DYSF: variants seen among roughly 807,000 people sequenced by gnomAD.
The protein encoded by DYSF is dystrophy-associated fer-1-like 1.
A neutral mutation model predicts 274.9 loss-of-function variants in DYSF; 212 were observed. That is an observed-to-expected ratio of 0.77 (90% confidence interval 0.69 to 0.86). The LOEUF is 0.86. Among genes scored for constraint, DYSF ranks in the 40% least tolerant of loss-of-function variants. The probability of loss-of-function intolerance (pLI) is 0.00; values close to 1 mark genes in which losing one functional copy is unlikely to be tolerated. For synonymous variants in DYSF, 1,091 were observed against 1,078.7 expected, an observed-to-expected ratio of 1.01 and a Z score of -0.22; for missense variants, 2,666 against 2,783.2, an observed-to-expected ratio of 0.96 and a Z score of 0.95.
At chr2:71,555,233 CT>C (rs1162816780) in intron 21 of DYSF, among the ~76,000 whole-genome samples, 1 of 152,178 alleles carries the variant, frequency 6.6e-6, no homozygotes, top group Non-Finnish European at 1.5e-5. Context: ...CCATCACTGG[CT>C]CACAGCAAGA....
intron 21 of DYSF, among the ~76,000 whole-genome samples, chr2:71,555,328 C>T (rs1357820649): frequency 6.6e-6 from 1 of 151,902 alleles, no homozygotes; most frequent in Admixed American, 6.5e-5. Context: ...TGTCCTTGCT[C>T]AGGAAGGCTG....
chr2:71,525,068 A>G (rs1411070334), intron 12 of DYSF, among the ~76,000 whole-genome samples: 4 of 152,246 alleles, frequency 2.6e-5, no homozygotes, highest in African/African-American at 2.4e-5. Context: ...GCAGTGGTCT[A>G]GAAGACATTG....
chr2:71,497,898 A>G (rs2084570452), intron 3 of DYSF, among the ~76,000 whole-genome samples: 1 of 152,134 alleles, frequency 6.6e-6, no homozygotes, highest in African/African-American at 2.4e-5. Context: ...TATAACTAAA[A>G]CTAAGGTCTG....
chr2:71,498,469 T>C (rs2084639480), intron 3 of DYSF, among the ~76,000 whole-genome samples: 1 of 152,238 alleles, frequency 6.6e-6, no homozygotes, highest in South Asian at 2.1e-4. Context: ...GTCTAGGTAG[T>C]GCCAGCAGGA....
intron 41 of DYSF, among the ~76,000 whole-genome samples, chr2:71,625,985 A>G (rs2094200078): frequency 6.6e-6 from 1 of 152,070 alleles, no homozygotes. Flanking sequence ...TCTCATATAC[A>G]GATTTTATAT....
At chr2:71,664,769 A>T (rs1320082350) in intron 46 of DYSF, among the ~76,000 whole-genome samples, 4 of 152,228 alleles carry the variant, frequency 2.6e-5, no homozygotes, top group African/African-American at 9.6e-5. Context: ...GGAAGGCAGG[A>T]AAGAAGCAGG....
intron 41 of DYSF, among the ~76,000 whole-genome samples, chr2:71,625,300 C>A (rs952533415): frequency 1.3e-5 from 2 of 152,046 alleles, no homozygotes; most frequent in African/African-American, 4.8e-5. Context: ...TCTAAAAATT[C>A]TGAAGTTTTG....
At chr2:71,502,548 AG>A (rs983556622) in intron 3 of DYSF, among the ~76,000 whole-genome samples, 6 of 152,094 alleles carry the variant, frequency 3.9e-5, no homozygotes, top group African/African-American at 1.4e-4. Flanking sequence ...CTCTCTTTGA[AG>A]GGAGCATGTG....
chr2:71,537,778 C>T (rs1163533194), intron 16 of DYSF, among the ~76,000 whole-genome samples: 1 of 152,134 alleles, frequency 6.6e-6, no homozygotes, highest in African/African-American at 2.4e-5. Flanking sequence ...CAGGGTATGC[C>T]TTTCACAATG....
chr2:71,525,548 G>A (rs566429144), intron 12 of DYSF, among the ~76,000 whole-genome samples: 3 of 152,212 alleles, frequency 2.0e-5, no homozygotes, highest in South Asian at 2.1e-4. Flanking sequence ...CTAATGTGCC[G>A]CCAAGTTTGA....
chr2:71,491,143 C>T (rs2083818858), intron 3 of DYSF, among the ~76,000 whole-genome samples: 1 of 152,228 alleles, frequency 6.6e-6, no homozygotes, highest in African/African-American at 2.4e-5. Context: ...TTTGTGTTTC[C>T]TTGGCCATTT....
At chr2:71,494,826 A>C (rs908981102) in intron 3 of DYSF, among the ~76,000 whole-genome samples, 1 of 152,238 alleles carries the variant, frequency 6.6e-6, no homozygotes, top group South Asian at 2.1e-4. Context: ...GGGCTGGATT[A>C]TTCATTAGAA....
intron 3 of DYSF, among the ~76,000 whole-genome samples, chr2:71,489,141 C>T (rs1030657083): frequency 1.7e-4 from 26 of 152,150 alleles, no homozygotes; most frequent in Admixed American, 7.2e-4. Context: ...AATCAAGGGA[C>T]CTGCCACAAC....
chr2:71,651,535 A>G (rs1382646706), intron 42 of DYSF, among the ~76,000 whole-genome samples: 1 of 152,194 alleles, frequency 6.6e-6, no homozygotes, highest in Non-Finnish European at 1.5e-5. Flanking sequence ...ATTACTTTCA[A>G]AGAGAGAGCT....
intron 13 of DYSF, among the ~76,000 whole-genome samples, chr2:71,526,678 T>G (rs1249377043): frequency 1.3e-5 from 2 of 152,180 alleles, no homozygotes; most frequent in Non-Finnish European, 2.9e-5. Flanking sequence ...CTCTCACTGA[T>G]TTTCCCTCCC....
At chr2:71,668,901 C>A in intron 49 of DYSF, 59 bp downstream of exon 49, 2 of 1,544,742 alleles carry the variant, frequency 1.3e-6, no homozygotes, top group Non-Finnish European at 1.8e-6. Context: ...TTGCAGCCTG[C>A]TGTGGGCGGG....
Position 71,553,158 on chromosome 2 carries a change from A to G in DYSF, c.1954A>G (p.Thr652Ala), listed in dbSNP as rs754033290. 20 of 1,613,970 alleles carry G rather than the reference A, an allele frequency of 1.2e-5. No individual in the cohort carries two copies. The highest frequency in any genetic ancestry group is 3.3e-5 in the Admixed American group (2 of 60,008). The change falls in exon 20 of 56, where the codon ACC (threonine) becomes GCC (alanine). Residue 652 changes from threonine (T) to alanine (A), a missense_variant. Thr to Ala is a moderately conservative substitution (Grantham distance 58). This residue lies in a region of DYSF where 412 missense variants were observed against 504.0 expected (regional missense o/e 0.82). Transcript: ENST00000410020. ...FDMTCLPLASTTQYSRAVFDG... is the reference protein window; with the variant it reads ...FDMTCLPLASATQYSRAVFDG... ...CATGACCTGCCTGCCGCTGGCCTCCACCACTCAGTACAGCCGTGCAGTCTT... is the reference window on the plus strand; with the variant it reads ...CATGACCTGCCTGCCGCTGGCCTCCGCCACTCAGTACAGCCGTGCAGTCTT...
intron 36 of DYSF, among the ~76,000 whole-genome samples, chr2:71,607,572 T>A (rs2093669476): frequency 6.6e-6 from 1 of 152,090 alleles, no homozygotes; most frequent in Admixed American, 6.5e-5. Context: ...GGAGAGGGTG[T>A]CAAAACCAAG....
chr2:71,675,963 A>G (rs1223436110), intron 52 of DYSF, among the ~76,000 whole-genome samples: 1 of 152,146 alleles, frequency 6.6e-6, no homozygotes, highest in Non-Finnish European at 1.5e-5. Flanking sequence ...TAATATTCCA[A>G]GAACATCCTT....
Sources: gnomAD v4.1 joint callset for allele counts (sites outside exome capture counted in the v4.1 genomes callset) on GRCh38, gnomAD v4.1.1 for gene constraint, gnomAD v4.1.1 regional missense constraint, MANE v1.5 for transcripts, NCBI Gene and HGNC (gene_info 2026-07-23, HGNC 2026-07-21) for gene names.